The following GRIA4 variants were observed in gnomAD, a reference collection of about 807,000 sequenced individuals.
GRIA4 encodes glutamate receptor 4.
A neutral mutation model predicts 104.0 loss-of-function variants in GRIA4; 34 were observed. The ratio of observed to expected loss-of-function variants is 0.33; its 90% CI spans 0.25 to 0.44. GRIA4 has a LOEUF of 0.44. Among genes scored for constraint, GRIA4 ranks in the 20% least tolerant of loss-of-function variants. The pLI is 1.00. For synonymous variants in GRIA4, 386 were observed against 381.9 expected, an observed-to-expected ratio of 1.01 and a Z score of -0.13; for missense variants, 750 against 1,096.5, an observed-to-expected ratio of 0.68 and a Z score of 4.46.
At chr11:105,845,372 T>C (rs1212540856) in intron 4 of GRIA4, among the ~76,000 whole-genome samples, 2 of 152,130 alleles carry the variant, frequency 1.3e-5, no homozygotes, top group Non-Finnish European at 2.9e-5. Context: ...GATCTAGCCT[T>C]GGAAGTCACA....
chr11:105,882,133 T>G (rs552337970), intron 5 of GRIA4, among the ~76,000 whole-genome samples: 1 of 152,328 alleles, frequency 6.6e-6, no homozygotes, highest in East Asian at 1.9e-4. Flanking sequence ...TGAAAGTGAC[T>G]GCCCTCATGA....
intron 5 of GRIA4, among the ~76,000 whole-genome samples, chr11:105,873,635 C>T (rs768500653): frequency 1.3e-5 from 2 of 152,106 alleles, no homozygotes; most frequent in Non-Finnish European, 2.9e-5. Flanking sequence ...GAGATGGTAT[C>T]TCATTGTGGT....
chr11:105,779,344 C>T (rs1486484512), intron 4 of GRIA4, among the ~76,000 whole-genome samples: 3 of 152,004 alleles, frequency 2.0e-5, no homozygotes, highest in Admixed American at 2.0e-4. Context: ...GAATCAATAT[C>T]GTGAAAATGG....
At chr11:105,833,209 T>C (rs1227042002) in intron 4 of GRIA4, among the ~76,000 whole-genome samples, 1 of 151,974 alleles carries the variant, frequency 6.6e-6, no homozygotes, top group African/African-American at 2.4e-5. Flanking sequence ...AGAAACCATA[T>C]AAGTTTCTTG....
intron 6 of GRIA4, among the ~76,000 whole-genome samples, chr11:105,897,634 T>C (rs1946702354): frequency 6.6e-6 from 1 of 152,200 alleles, no homozygotes; most frequent in Non-Finnish European, 1.5e-5. Context: ...TTGCATTTTA[T>C]CAAATGCTTT....
intron 4 of GRIA4, among the ~76,000 whole-genome samples, chr11:105,832,009 G>C (rs1391139383): frequency 1.3e-5 from 2 of 151,994 alleles, no homozygotes; most frequent in African/African-American, 4.8e-5. Context: ...GGAGGGGCCT[G>C]TGCAACTTCC....
chr11:105,712,595 C>T (rs1164592333), intron 3 of GRIA4, among the ~76,000 whole-genome samples: 1 of 151,988 alleles, frequency 6.6e-6, no homozygotes, highest in East Asian at 1.9e-4. Context: ...TTCAGCCTAT[C>T]CTATTTTTTG....
intron 3 of GRIA4, among the ~76,000 whole-genome samples, chr11:105,653,682 T>A (rs1289823799): frequency 6.6e-6 from 1 of 152,082 alleles, no homozygotes; most frequent in Non-Finnish European, 1.5e-5. Flanking sequence ...GAAAAATATT[T>A]CTGGGTAAAC....
At chr11:105,874,112 T>C (rs979424513) in intron 5 of GRIA4, among the ~76,000 whole-genome samples, 1 of 152,116 alleles carries the variant, frequency 6.6e-6, no homozygotes, top group Non-Finnish European at 1.5e-5. Context: ...ACAAAAGGGG[T>C]CCAGTTTCAG....
intron 12 of GRIA4, among the ~76,000 whole-genome samples, chr11:105,926,314 G>A (rs916716235): frequency 9.2e-5 from 14 of 152,160 alleles, no homozygotes; most frequent in African/African-American, 2.9e-4. Context: ...GCTAATTTAT[G>A]TACCACAAAC....
intron 3 of GRIA4, among the ~76,000 whole-genome samples, chr11:105,695,203 T>A (rs898762149): frequency 7.2e-5 from 11 of 152,242 alleles, no homozygotes; most frequent in African/African-American, 2.4e-4. Context: ...GTTTTAGCCC[T>A]GCAGAACACT....
intron 7 of GRIA4, among the ~76,000 whole-genome samples, chr11:105,902,338 T>C (rs1028068665): frequency 1.3e-5 from 2 of 151,916 alleles, no homozygotes; most frequent in African/African-American, 2.4e-5. Flanking sequence ...TTCTTTTTTT[T>C]TTTTCTTTCT....
intron 3 of GRIA4, among the ~76,000 whole-genome samples, chr11:105,728,699 C>A (rs1228847812): frequency 6.6e-6 from 1 of 152,132 alleles, no homozygotes; most frequent in African/African-American, 2.4e-5. Context: ...TTAAGAAACT[C>A]GCTCAAAACC....
At chr11:105,783,456 T>G (rs1359444804) in intron 4 of GRIA4, among the ~76,000 whole-genome samples, 1 of 152,224 alleles carries the variant, frequency 6.6e-6, no homozygotes, top group African/African-American at 2.4e-5. Context: ...TCCATTCATT[T>G]GGATAATTCT....
chr11:105,655,267 CTT>C (rs762019299), intron 3 of GRIA4, among the ~76,000 whole-genome samples: 39 of 152,158 alleles, frequency 2.6e-4, no homozygotes, highest in Admixed American at 5.2e-4. Context: ...GATATTATCA[CTT>C]GAGGAAAATA....
intron 4 of GRIA4, among the ~76,000 whole-genome samples, chr11:105,861,288 T>C (rs184980774): frequency 6.6e-6 from 1 of 152,292 alleles, no homozygotes; most frequent in East Asian, 1.9e-4. Context: ...CCTTGTTCCA[T>C]CCAGACAGCT....
intron 3 of GRIA4, among the ~76,000 whole-genome samples, chr11:105,644,156 G>GA (rs996291271): frequency 2.0e-5 from 3 of 152,028 alleles, no homozygotes; most frequent in Middle Eastern, 3.4e-3. Context: ...AATTTAAGGA[G>GA]AAAAAAAATG....
At chr11:105,960,651 C>G (rs577119693) in intron 14 of GRIA4, among the ~76,000 whole-genome samples, 1 of 152,336 alleles carries the variant, frequency 6.6e-6, no homozygotes, top group East Asian at 1.9e-4. Flanking sequence ...GCAGCTGGTG[C>G]TGGTTGCCCC....
intron 3 of GRIA4, among the ~76,000 whole-genome samples, chr11:105,634,949 G>A (rs1004169163): frequency 1.3e-5 from 2 of 152,210 alleles, no homozygotes; most frequent in South Asian, 2.1e-4. Context: ...ATTTGGGAGC[G>A]GTGTTTGAGG....
Sources: allele counts gnomAD v4.1 joint callset (sites outside exome capture counted in the v4.1 genomes callset), GRCh38; gene constraint gnomAD v4.1.1; transcripts MANE v1.5; gene names NCBI Gene and HGNC (gene_info 2026-07-23, HGNC 2026-07-21).